MND1: variants seen among roughly 807,000 people sequenced by gnomAD.
MND1 encodes the protein meiotic nuclear divisions 1, also known as meiotic nuclear division protein 1 homolog.
A neutral mutation model predicts 35.1 loss-of-function variants in MND1; 28 were observed. That is an observed-to-expected ratio of 0.80 (90% CI 0.59 to 1.09). The LOEUF (loss-of-function observed/expected upper bound fraction) is 1.09, where lower values mean the gene tolerates loss of function less well. MND1 is among the 50% of genes least tolerant of loss of function. MND1 has a pLI of 0.00. For synonymous variants in MND1, 69 were observed against 70.5 expected, an observed-to-expected ratio of 0.98 and a Z score of 0.11; for missense variants, 213 against 239.6, an observed-to-expected ratio of 0.89 and a Z score of 0.73.
chr4:153,373,203 T>C (rs532140182), intron 4 of MND1, among the ~76,000 whole-genome samples: 21 of 152,274 alleles, frequency 1.4e-4, no homozygotes, highest in African/African-American at 3.1e-4. Context: ...ACCTATGTAG[T>C]TATGTTAAAT....
chr4:153,399,660 G>C (rs536380863), intron 6 of MND1, among the ~76,000 whole-genome samples: 1 of 152,256 alleles, frequency 6.6e-6, no homozygotes, highest in Admixed American at 6.5e-5. Context: ...GGTATACAAA[G>C]GACGGTGAAC....
At chr4:153,399,277 C>T (rs1729280920) in intron 6 of MND1, among the ~76,000 whole-genome samples, 1 of 152,168 alleles carries the variant, frequency 6.6e-6, no homozygotes, top group Non-Finnish European at 1.5e-5. Context: ...TTTTCCACTC[C>T]ATGGTCCCTA....
intron 6 of MND1, 144 bp from the exon 7 acceptor site, chr4:153,408,827 A>G (rs550470847): frequency 4.9e-5 from 10 of 202,306 alleles, no homozygotes; most frequent in South Asian, 4.1e-4. Context: ...AGCTTTTTTC[A>G]TAGCCATTTT....
chr4:153,396,248 G>T (rs938592050), intron 5 of MND1, among the ~76,000 whole-genome samples: 7 of 152,110 alleles, frequency 4.6e-5, no homozygotes, highest in African/African-American at 2.4e-5. Flanking sequence ...AGTAGGTCTT[G>T]CAGTGAAGAG....
At chr4:153,367,085 G>C (rs577548427) in intron 4 of MND1, among the ~76,000 whole-genome samples, 2 of 152,044 alleles carry the variant, frequency 1.3e-5, no homozygotes, top group Non-Finnish European at 2.9e-5. Flanking sequence ...GCGGTGGCTG[G>C]GCAGATATTC....
intron 4 of MND1, chr4:153,381,667 AATATATATATAT>A (rs199673350): frequency 3.9e-5 from 1 of 25,458 alleles, no homozygotes; most frequent in East Asian, 2.7e-3. Context: ...TATATAATAT[AATATATATATAT>A]ATATATATAT....
At chr4:153,361,603 G>T (rs1233019410) in intron 4 of MND1, 1 of 454,186 alleles carries the variant, frequency 2.2e-6, no homozygotes, top group East Asian at 7.0e-5. Flanking sequence ...ACTTTGGGAG[G>T]CTGAGGCGGG....
intron 4 of MND1, chr4:153,363,056 G>C (rs983912621): frequency 1.0e-6 from 1 of 981,112 alleles, no homozygotes; most frequent in African/African-American, 1.8e-5. Flanking sequence ...CATGGAGTTT[G>C]CTGGTACTTT....
intron 4 of MND1, among the ~76,000 whole-genome samples, chr4:153,385,776 C>T (rs1728840895): frequency 6.6e-6 from 1 of 150,798 alleles, no homozygotes. Flanking sequence ...TCATTTAAGA[C>T]TCTGACTCCA....
At chr4:153,351,474 C>T (rs750012516) in intron 2 of MND1, among the ~76,000 whole-genome samples, 1 of 151,852 alleles carries the variant, frequency 6.6e-6, no homozygotes, top group African/African-American at 2.4e-5. Flanking sequence ...AGTTTTTTGA[C>T]GGAATTGAAA....
intron 4 of MND1, among the ~76,000 whole-genome samples, chr4:153,365,382 G>C (rs1193848657): frequency 6.6e-6 from 1 of 152,184 alleles, no homozygotes; most frequent in Non-Finnish European, 1.5e-5. Context: ...ACAGGACATG[G>C]AGTCAAAATA....
intron 6 of MND1, among the ~76,000 whole-genome samples, chr4:153,403,690 G>A (rs781063241): frequency 5.9e-5 from 9 of 152,086 alleles, no homozygotes; most frequent in South Asian, 2.1e-4. Flanking sequence ...TCTGCTTCCC[G>A]GCCGGGTTCA....
chr4:153,397,132 T>C, intron 5 of MND1, 87 bp from the exon 6 acceptor site: 1 of 844,388 alleles, frequency 1.2e-6, no homozygotes, highest in South Asian at 2.0e-5. Context: ...TTATAAGAAA[T>C]AAAATGAAAT....
exon 8 of MND1, chr4:153,415,114 A>AT (rs113897268): frequency 2.2e-3 from 497 of 227,016 alleles, no homozygotes; most frequent in Middle Eastern, 6.9e-3. Flanking sequence ...TTTACAAATG[A>AT]TTTTTTTTTT....
intron 1 of MND1, among the ~76,000 whole-genome samples, chr4:153,348,350 C>T (rs11730604): frequency 0.19 from 28,283 of 151,894 alleles, 2,787 homozygotes; most frequent in African/African-American, 0.25. Context: ...TTTAGACTGA[C>T]GGAGTTGAAG....
intron 4 of MND1, among the ~76,000 whole-genome samples, chr4:153,374,801 G>A (rs577824630): frequency 6.6e-6 from 1 of 152,104 alleles, no homozygotes; most frequent in Non-Finnish European, 1.5e-5. Context: ...CAGTCTATAA[G>A]CCTCATGGTT....
rs1729138180 is a variant in MND1, at chr4:153,394,270, G to A, written c.285G>A (p.Glu95=). The A allele has an allele frequency of 6.2e-7, 1 of 1,612,028 alleles. No individual in the cohort carries two copies. The highest frequency in any genetic ancestry group is 1.3e-5 in the African/African-American group (1 of 74,832). ...TGTTTTTGATTCTCTAGTTGTCTGA[G>A]GGAAGTCAAAAGCATGCAAGCCTAC... ...KLEVLESQLS[E]GSQKHASLQK... Residue 95 remains glutamate, a synonymous_variant, in exon 5 of 8, where the codon GAG becomes GAA. Coordinates refer to ENST00000240488, the MANE Select transcript of MND1 (RefSeq NM_032117.4).
At chr4:153,354,710 A>G (rs959905252) in intron 2 of MND1, among the ~76,000 whole-genome samples, 2 of 152,058 alleles carry the variant, frequency 1.3e-5, no homozygotes, top group African/African-American at 2.4e-5. Flanking sequence ...GAGTGGTCTC[A>G]CTGTGTTACC....
intron 1 of MND1, among the ~76,000 whole-genome samples, chr4:153,349,002 A>T (rs546746832): frequency 6.1e-4 from 92 of 151,834 alleles, no homozygotes; most frequent in Middle Eastern, 6.9e-3. Flanking sequence ...TTCCTTTATA[A>T]TCCCCTACAA....
Sources: gnomAD v4.1 joint callset for allele counts (sites outside exome capture counted in the v4.1 genomes callset) on GRCh38, gnomAD v4.1.1 for gene constraint, MANE v1.5 for transcripts, NCBI Gene and HGNC (gene_info 2026-07-23, HGNC 2026-07-21) for gene names.